DGKB: variants seen among roughly 807,000 people sequenced by gnomAD.
DGKB encodes the protein 90 kDa diacylglycerol kinase.
In DGKB, 67 loss-of-function variants were observed where a neutral mutation model predicts 114.3. That is an observed-to-expected ratio of 0.59 (90% CI 0.48 to 0.72). The LOEUF is 0.72. Among genes scored for constraint, DGKB ranks in the 30% least tolerant of loss-of-function variants. DGKB has a pLI of 0.00. For missense variants in DGKB, 907 were observed against 975.2 expected (o/e 0.93, Z 0.93); for synonymous variants, 398 against 323.1 (o/e 1.23, Z -2.49).
At position 14,309,189 on chromosome 7, in the gene DGKB, C is replaced by T. The variant is rs188155933; in HGVS notation, c.2122+29326G>A. Among the ~76,000 whole-genome samples the T allele has an allele frequency of 1.1e-4, 17 of 152,142 alleles. No homozygotes were observed. In the South Asian group the frequency reaches 3.5e-3, roughly 32 times the overall value. ...CATTATTGTGCCACTGCACTCCAGT[C>T]TGGGTGACAGAGTGAGACCCTGTCT... On this transcript the variant is annotated intron_variant, in intron 23 of 25. Transcript: ENST00000402815.
At chr7:14,855,917 T>G (rs2128169534) in intron 1 of DGKB, among the ~76,000 whole-genome samples, 1 of 151,964 alleles carries the variant, frequency 6.6e-6, no homozygotes, top group South Asian at 2.1e-4. Flanking sequence ...GGACACACTA[T>G]ATTAAAATAT....
chr7:14,238,804 T>G (rs1793212322), intron 23 of DGKB, among the ~76,000 whole-genome samples: 1 of 151,916 alleles, frequency 6.6e-6, no homozygotes, highest in Admixed American at 6.6e-5. Flanking sequence ...ACCTAGTAAT[T>G]AATTTTTAGA....
At chr7:14,276,092 T>C (rs1199211604) in intron 23 of DGKB, among the ~76,000 whole-genome samples, 3 of 152,182 alleles carry the variant, frequency 2.0e-5, no homozygotes, top group African/African-American at 7.2e-5. Flanking sequence ...AAAGTTCATA[T>C]CACTATGAGG....
intron 4 of DGKB, among the ~76,000 whole-genome samples, chr7:14,743,514 C>T (rs1483641579): frequency 6.6e-6 from 1 of 152,148 alleles, no homozygotes; most frequent in African/African-American, 2.4e-5. Context: ...TCTTTCCTGA[C>T]CCCTAGCTTT....
At chr7:14,288,718 G>C (rs1801275762) in intron 23 of DGKB, among the ~76,000 whole-genome samples, 1 of 152,026 alleles carries the variant, frequency 6.6e-6, no homozygotes, top group South Asian at 2.1e-4. Context: ...CAGACTCCAT[G>C]GGCAATTCCC....
At chr7:14,739,966 G>A (rs528745304) in intron 4 of DGKB, among the ~76,000 whole-genome samples, 5 of 152,358 alleles carry the variant, frequency 3.3e-5, no homozygotes, top group Non-Finnish European at 4.4e-5. Flanking sequence ...GCACATGGCC[G>A]TGTGTCTGCG....
In DGKB at chr7:14,477,033, A is replaced by G. The variant is rs1584252582; in HGVS notation, c.1835+1128T>C. ...CCAAAGTGCTGGGATTACAGGCGTG[A>G]GCCACCGTGCCCGGCCTACTAAAAA... On this transcript the variant is annotated intron_variant, in intron 21 of 25. Coordinates refer to ENST00000402815, the MANE Select transcript of DGKB (RefSeq NM_001350709.2). Among the ~76,000 whole-genome samples the G allele has an allele frequency of 3.3e-5, 5 of 152,272 alleles. No homozygotes were observed. In the South Asian group the frequency reaches 1.0e-3, roughly 32 times the overall value.
intron 2 of DGKB, among the ~76,000 whole-genome samples, chr7:14,761,534 C>T (rs1288450065): frequency 1.3e-5 from 2 of 152,184 alleles, no homozygotes; most frequent in African/African-American, 4.8e-5. Flanking sequence ...TCCAAAACTA[C>T]ACTGGGGCAG....
At chr7:14,940,125 A>T (rs151195655) in intron 1 of DGKB, among the ~76,000 whole-genome samples, 2 of 152,218 alleles carry the variant, frequency 1.3e-5, no homozygotes, top group East Asian at 3.9e-4. Context: ...GTCTTATTTG[A>T]ATAAAAAATT....
intron 2 of DGKB, among the ~76,000 whole-genome samples, chr7:14,790,498 T>G (rs1023998425): frequency 4.0e-5 from 6 of 151,634 alleles, no homozygotes; most frequent in Admixed American, 6.6e-5. Context: ...GCTCATTTTT[T>G]TTGTTGTTGT....
intron 13 of DGKB, among the ~76,000 whole-genome samples, chr7:14,638,724 G>T (rs946590201): frequency 2.6e-5 from 4 of 152,100 alleles, no homozygotes; most frequent in Non-Finnish European, 5.9e-5. Context: ...GCTTCTGTGG[G>T]ATATATCTGA....
intron 5 of DGKB, among the ~76,000 whole-genome samples, chr7:14,734,885 C>T (rs1002057439): frequency 3.3e-5 from 5 of 151,892 alleles, no homozygotes; most frequent in Non-Finnish European, 5.9e-5. Context: ...TCTTCATTGC[C>T]AGTGGATTCC....
At chr7:14,726,674 T>C (rs971172400) in intron 5 of DGKB, among the ~76,000 whole-genome samples, 1 of 152,260 alleles carries the variant, frequency 6.6e-6, no homozygotes, top group African/African-American at 2.4e-5. Context: ...GGGCCATCCA[T>C]CATAATATGT....
intron 20 of DGKB, among the ~76,000 whole-genome samples, chr7:14,488,823 C>G (rs1188324424): frequency 7.2e-6 from 1 of 137,992 alleles, no homozygotes; most frequent in Non-Finnish European, 1.5e-5. Context: ...CAGAGCAAGA[C>G]TCCGTCTCCA....
chr7:14,645,390 A>T (rs573779056), intron 13 of DGKB, among the ~76,000 whole-genome samples: 1 of 152,054 alleles, frequency 6.6e-6, no homozygotes, highest in Non-Finnish European at 1.5e-5. Flanking sequence ...AGAATAAAAG[A>T]GTGGTAATAT....
At chr7:14,324,947 G>C (rs1322907369) in intron 23 of DGKB, among the ~76,000 whole-genome samples, 1 of 152,146 alleles carries the variant, frequency 6.6e-6, no homozygotes, top group African/African-American at 2.4e-5. Flanking sequence ...CTACGTTAAA[G>C]TGCCATAAAT....
At chr7:14,180,303 C>T (rs563098372) in intron 23 of DGKB, among the ~76,000 whole-genome samples, 1 of 152,082 alleles carries the variant, frequency 6.6e-6, no homozygotes, top group African/African-American at 2.4e-5. Flanking sequence ...ATCTGTGAGC[C>T]CTAACTTTTT....
At chr7:14,450,017 T>C (rs1831251751) in intron 21 of DGKB, among the ~76,000 whole-genome samples, 1 of 152,112 alleles carries the variant, frequency 6.6e-6, no homozygotes, top group African/African-American at 2.4e-5. Context: ...CATTATGTAT[T>C]ACTTGCTAGG....
At chr7:14,713,197 A>G (rs967103959) in intron 6 of DGKB, among the ~76,000 whole-genome samples, 1 of 152,102 alleles carries the variant, frequency 6.6e-6, no homozygotes, top group Non-Finnish European at 1.5e-5. Flanking sequence ...TCCTTCCAAA[A>G]GATTTGCAAG....
Sources: allele counts gnomAD v4.1 joint callset (sites outside exome capture counted in the v4.1 genomes callset), GRCh38; gene constraint gnomAD v4.1.1; transcripts MANE v1.5; gene names NCBI Gene and HGNC (gene_info 2026-07-23, HGNC 2026-07-21).